CCDC88B: variants seen among roughly 807,000 people sequenced by gnomAD.
CCDC88B encodes the protein coiled-coil and HOOK domain protein 88B.
CCDC88B carries 138 observed loss-of-function variants against 183.7 expected under a neutral mutation model. The ratio of observed to expected loss-of-function variants is 0.75; its 90% CI spans 0.65 to 0.87. CCDC88B has a LOEUF of 0.87. CCDC88B is among the 40% of genes least tolerant of loss of function. The pLI, the probability that CCDC88B is intolerant of heterozygous loss-of-function variation, is 0.00. For synonymous variants in CCDC88B, 835 were observed against 867.5 expected (o/e 0.96, Z 0.66); for missense variants, 1,822 against 1,965.6 (o/e 0.93, Z 1.38).
intron 11 of CCDC88B, 85 bp from the exon 12 acceptor site, chr11:64,343,422 T>C: frequency 6.5e-7 from 1 of 1,540,630 alleles, no homozygotes; most frequent in Non-Finnish European, 8.8e-7. Context: ...ACCTCTGCTC[T>C]TGGTGACCTC....
At chr11:64,345,736 G>A (rs1160744995) in intron 14 of CCDC88B, among the ~76,000 whole-genome samples, 1 of 152,200 alleles carries the variant, frequency 6.6e-6, no homozygotes, top group South Asian at 2.1e-4. Flanking sequence ...GCTGGGTGTG[G>A]TGGCTCACAC....
chr11:64,349,796 C>T, intron 16 of CCDC88B, 128 bp downstream of exon 16: 1 of 870,338 alleles, frequency 1.1e-6, no homozygotes, highest in Non-Finnish European at 1.8e-6. Context: ...CCTCACTCCC[C>T]ATGTGGGGCC....
In CCDC88B at chr11:64,351,255, TGTGA is replaced by T. The variant is rs2036316956; in HGVS notation, c.2958+4_2958+7del. The T allele has an allele frequency of 6.6e-7, 1 of 1,519,854 alleles. No homozygotes were observed. The highest frequency in any genetic ancestry group is 8.8e-7 in the Non-Finnish European group (1 of 1,134,038). 94.1% of individuals were successfully genotyped at this position (1,519,854 alleles called of 1,614,324 possible). On this transcript the variant is annotated splice_donor_variant and splice_donor_region_variant and intron_variant, in intron 17 of 26. Coordinates refer to ENST00000356786, the MANE Select transcript of CCDC88B (RefSeq NM_032251.6). LOFTEE classifies it high-confidence loss of function. ...TGCGGCTTATTGAGGTGGAGCGCAGTGTGAGTGTGGGCCCACAGTGGGCCCTGGG... is the reference window on the plus strand; with the variant it reads ...TGCGGCTTATTGAGGTGGAGCGCAGTGTGTGGGCCCACAGTGGGCCCTGGG...
rs367956137 is a variant in CCDC88B, at chr11:64,349,682, G to T, written c.2862+14G>T. 2 of 1,573,992 alleles carry T rather than the reference G, an allele frequency of 1.3e-6. No individual in the cohort carries two copies. The highest frequency in any genetic ancestry group is 1.7e-6 in the Non-Finnish European group (2 of 1,157,744). ...GAGCTGTTCCAGGTGATGCCTGCCC[G>T]CCTGGGAGCTGGGGGCCATGCCACC... On this transcript the variant is annotated intron_variant, in intron 16 of 26. Coordinates refer to ENST00000356786, the MANE Select transcript of CCDC88B (RefSeq NM_032251.6).
In CCDC88B at chr11:64,353,696, C is replaced by A. The variant is rs373630156; in HGVS notation, c.3834-19C>A. 4 of 1,613,502 alleles carry A rather than the reference C, an allele frequency of 2.5e-6. No homozygotes were observed. Among genetic ancestry groups the A allele is most frequent in the African/African-American group, 1.3e-5 (1 of 74,922 alleles). ...CTCCCTGGGCCTCACACCCACCTCT[C>A]CCTTCTCACTCCTGCCAGGGACCAG... On this transcript the variant is annotated intron_variant, in intron 22 of 26. Transcript: ENST00000356786.
chr11:64,353,540 T>A, intron 22 of CCDC88B, 44 bp downstream of exon 22: 1 of 1,596,136 alleles, frequency 6.3e-7, no homozygotes. Context: ...GCATCCCCTT[T>A]GGGCGTTCCT....
chr11:64,342,162 G>C, intron 8 of CCDC88B, 23 bp downstream of exon 8: 1 of 1,604,594 alleles, frequency 6.2e-7, no homozygotes, highest in South Asian at 1.1e-5. Context: ...AGCCTGGGAA[G>C]GGGACTGAGT....
intron 14 of CCDC88B, among the ~76,000 whole-genome samples, chr11:64,348,548 G>A (rs2135309722): frequency 6.6e-6 from 1 of 152,320 alleles, no homozygotes; most frequent in African/African-American, 2.4e-5. Flanking sequence ...AGAGGTGGTG[G>A]CCAAGAGTGT....
Position 64,352,876 on chromosome 11 carries a change from C to A in CCDC88B, c.3489C>A (p.Ser1163Arg). 4.4e-6 allele frequency: 7 copies of A among 1,594,960 alleles called. No homozygotes were observed. Among genetic ancestry groups the A allele is most frequent in the South Asian group, 1.1e-5 (1 of 88,664 alleles). ...GLEEELRRLQ[S>R]EHDRAQMLLA... Reference sequence around the variant, plus strand: ...AGGAGGAGCTGCGGAGGCTTCAGAGCGAGCACGACAGGTGCCGCCCCTGCC... The same window carrying A: ...AGGAGGAGCTGCGGAGGCTTCAGAGAGAGCACGACAGGTGCCGCCCCTGCC... The change falls in exon 20 of 27, where the codon AGC (serine) becomes AGA (arginine). Residue 1163 changes from serine to arginine, a missense_variant. Transcript: ENST00000356786.
chr11:64,349,217 A>T (rs1408196057), intron 14 of CCDC88B, 114 bp from the exon 15 acceptor site: 6 of 1,240,546 alleles, frequency 4.8e-6, no homozygotes, highest in African/African-American at 1.5e-5. Flanking sequence ...AGGCTTAATG[A>T]TACGTGCCCA....
At chr11:64,346,077 G>A (rs961187462) in intron 14 of CCDC88B, among the ~76,000 whole-genome samples, 1 of 152,170 alleles carries the variant, frequency 6.6e-6, no homozygotes, top group Non-Finnish European at 1.5e-5. Context: ...GGGATGATGA[G>A]GGCCAGCTTT....
At position 64,352,158 on chromosome 11, in the gene CCDC88B, G is replaced by A. The variant is rs781598907; in HGVS notation, c.3128G>A (p.Gly1043Asp). The A allele has an allele frequency of 6.3e-7, 1 of 1,594,522 alleles. No individual in the cohort carries two copies. Among genetic ancestry groups the A allele is most frequent in the African/African-American group, 1.3e-5 (1 of 74,548 alleles). The part of the protein sequence containing the change: ...QAEKSVLEIQ[G>D]QELHRKLEVL... ...GAGAAGTCTGTGCTGGAGATTCAGG[G>A]CCAGGAGCTGCACCGGAAGCTGGAG... The change falls in exon 19 of 27, where the codon GGC (glycine) becomes GAC (aspartate). Residue 1043 changes from glycine to aspartate, a missense_variant. Gly to Asp is a moderately conservative substitution (Grantham distance 94). Transcript: ENST00000356786.
In CCDC88B at chr11:64,351,557, C is replaced by G; in HGVS notation, c.3040C>G (p.Arg1014Gly). Residue 1014 changes from arginine to glycine, a missense_variant, in exon 18 of 27, where the codon CGT (arginine) becomes GGT (glycine). Coordinates refer to ENST00000356786, the MANE Select transcript of CCDC88B (RefSeq NM_032251.6). ...LEGQLGSLQG[R>G]AQELLLQSQR... ...GGGGCAGCTGGGGAGCCTGCAGGGC[C>G]GTGCCCAGGAGCTGCTGCTGCAGAG... 1 of 1,567,074 alleles carries G rather than the reference C, an allele frequency of 6.4e-7. No homozygotes were observed. Among genetic ancestry groups the G allele is most frequent in the Non-Finnish European group, 8.6e-7 (1 of 1,164,734 alleles).
intron 26 of CCDC88B, chr11:64,356,679 C>A (rs548818086): frequency 3.5e-5 from 12 of 344,354 alleles, no homozygotes; most frequent in African/African-American, 2.3e-4. Flanking sequence ...GCCCTAGACC[C>A]GGCTGGACCA....
chr11:64,357,132 CG>C lies in CCDC88B; in HGVS notation c.*40del. 6.2e-7 allele frequency: 1 copy of C among 1,612,250 alleles called. No homozygotes were observed. On this transcript the variant is annotated 3_prime_UTR_variant, in exon 27 of 27. Coordinates refer to ENST00000356786, the MANE Select transcript of CCDC88B (RefSeq NM_032251.6). Reference sequence around the variant, plus strand: ...AGCAGGCTTGGGAGTGCAGCCTTCTCGGCACTGGAGTGTCAGCGGAGGCCCC... The same window carrying C: ...AGCAGGCTTGGGAGTGCAGCCTTCTCGCACTGGAGTGTCAGCGGAGGCCCC...
Position 64,349,532 on chromosome 11 carries a change from C to T in CCDC88B, c.2745-19C>T. ...GGCGAGGGTGGGGTGGGGCTGGGTG[C>T]TAAGGATTCTCCTGGCAGGTACCAG... On this transcript the variant is annotated intron_variant, in intron 15 of 26. Transcript: ENST00000356786. 1.9e-6 allele frequency: 3 copies of T among 1,589,680 alleles called. No homozygotes were observed. Among genetic ancestry groups the T allele is most frequent in the Non-Finnish European group, 2.6e-6 (3 of 1,168,900 alleles).
At position 64,344,860 on chromosome 11, in the gene CCDC88B, A is replaced by C; in HGVS notation, c.2319A>C (p.Arg773=). The C allele has an allele frequency of 6.2e-7, 1 of 1,609,648 alleles. No individual in the cohort carries two copies. The highest frequency in any genetic ancestry group is 8.5e-7 in the Non-Finnish European group (1 of 1,178,266). The stretch of plus-strand genomic sequence containing the variant: ...TCTCCAAGGAGCTGGCCCAAGCGCG[A>C]AGGGCAGAGGCCGAGGCCCACCGGG... The part of the protein sequence containing the change: ...ARLSKELAQA[R]RAEAEAHREA... The change falls in exon 14 of 27, where the codon CGA becomes CGC. Residue 773 remains arginine, a synonymous_variant. Coordinates refer to ENST00000356786, the MANE Select transcript of CCDC88B (RefSeq NM_032251.6). This position sits in a 1 kb window ranked among gnomAD's most constrained non-coding sequence, Gnocchi z 4.5.
chr11:64,343,482 TGTCTGACCCTTCCC>T lies in CCDC88B; in HGVS notation c.1210-24_1210-11del. ...CGGCCTGGCCATGGTGTGGAGGGCT[TGTCTGACCCTTCCC>T]TCACCCCCAGGAGCTGGACTCTCTG... On this transcript the variant is annotated splice_polypyrimidine_tract_variant and intron_variant, in intron 11 of 26. Coordinates refer to ENST00000356786, the MANE Select transcript of CCDC88B (RefSeq NM_032251.6). 1 of 1,550,562 alleles carries T rather than the reference TGTCTGACCCTTCCC, an allele frequency of 6.4e-7. No homozygotes were observed. The highest frequency in any genetic ancestry group is 8.7e-7 in the Non-Finnish European group (1 of 1,146,152).
Position 64,357,102 on chromosome 11 carries a change from G to T in CCDC88B, c.*8G>T, listed in dbSNP as rs1259481045. On this transcript the variant is annotated 3_prime_UTR_variant, in exon 27 of 27. Transcript: ENST00000356786. Reference sequence around the variant, plus strand: ...CCATCCCTCAGCCAGTGACACCGTGGGAACAGCAGGCTTGGGAGTGCAGCC... The same window carrying T: ...CCATCCCTCAGCCAGTGACACCGTGTGAACAGCAGGCTTGGGAGTGCAGCC... The T allele has an allele frequency of 6.2e-7, 1 of 1,613,668 alleles. No homozygotes were observed. The highest frequency in any genetic ancestry group is 1.7e-5 in the Admixed American group (1 of 59,984).
Sources: allele counts gnomAD v4.1 joint callset (sites outside exome capture counted in the v4.1 genomes callset), GRCh38; gene constraint gnomAD v4.1.1; non-coding constraint Gnocchi (gnomAD v3.1); transcripts MANE v1.5; gene names NCBI Gene and HGNC (gene_info 2026-07-23, HGNC 2026-07-21).